The following SPMIP11 variants were observed in gnomAD, a reference collection of about 807,000 sequenced individuals.
SPMIP11 encodes long intergenic non-protein coding RNA 935.
the SPMIP11 span, chr12:48,759,106 A>G: frequency 1.5e-6 from 1 of 648,888 alleles, no homozygotes; most frequent in Non-Finnish European, 2.8e-6. Context: ...GTGAGTGGCT[A>G]GGAGAGATCC....
the SPMIP11 span, among the ~76,000 whole-genome samples, chr12:48,760,883 A>G: frequency 6.6e-6 from 1 of 152,186 alleles, no homozygotes; most frequent in African/African-American, 2.4e-5. Flanking sequence ...CTATTGTTTT[A>G]CTAATCTTTC....
chr12:48,762,499 C>G, the SPMIP11 span, among the ~76,000 whole-genome samples: 1 of 149,884 alleles, frequency 6.7e-6, no homozygotes, highest in African/African-American at 2.5e-5. Context: ...TCCTAAGTAG[C>G]TGGGATTACA....
At chr12:48,733,362 A>T in the SPMIP11 span, among the ~76,000 whole-genome samples, 1 of 152,102 alleles carries the variant, frequency 6.6e-6, no homozygotes, top group African/African-American at 2.4e-5. Context: ...GGTGTGAGCC[A>T]CCAAGCCCAG....
chr12:48,728,038 G>A, the SPMIP11 span, among the ~76,000 whole-genome samples: 223 of 113,982 alleles, frequency 2.0e-3, 2 homozygotes, highest in African/African-American at 6.7e-3. Flanking sequence ...GCGACAGAGC[G>A]AAACCATCTC....
chr12:48,765,560 C>G, the SPMIP11 span: 1 of 702,658 alleles, frequency 1.4e-6, no homozygotes. Flanking sequence ...ATCTCCTGCT[C>G]TCCAGCCTGG....
the SPMIP11 span, among the ~76,000 whole-genome samples, chr12:48,752,066 CA>C: frequency 7.6e-4 from 77 of 101,732 alleles, no homozygotes; most frequent in East Asian, 1.6e-3. Context: ...GACTCTGCCT[CA>C]AAAAAAAAAA....
chr12:48,743,856 C>G, the SPMIP11 span, among the ~76,000 whole-genome samples: 1 of 134,360 alleles, frequency 7.4e-6, no homozygotes, highest in African/African-American at 2.9e-5. Flanking sequence ...CACTTGAACC[C>G]GGGAGGTAGA....
At chr12:48,762,010 CT>C in the SPMIP11 span, among the ~76,000 whole-genome samples, 1 of 137,946 alleles carries the variant, frequency 7.2e-6, no homozygotes, top group African/African-American at 2.7e-5. Flanking sequence ...TTATAATACT[CT>C]TATATGACAT....
the SPMIP11 span, among the ~76,000 whole-genome samples, chr12:48,769,214 C>T: frequency 2.6e-5 from 4 of 151,958 alleles, no homozygotes; most frequent in African/African-American, 4.8e-5. Context: ...TCAAGACGAG[C>T]CTGGCCAACA....
the SPMIP11 span, among the ~76,000 whole-genome samples, chr12:48,765,344 G>A: frequency 1.3e-5 from 2 of 152,140 alleles, no homozygotes; most frequent in Middle Eastern, 3.2e-3. Flanking sequence ...CAATTCTCCT[G>A]CATTAGCTCC....
the SPMIP11 span, among the ~76,000 whole-genome samples, chr12:48,742,304 C>T: frequency 1.1e-3 from 115 of 107,656 alleles, no homozygotes; most frequent in African/African-American, 4.0e-3. Flanking sequence ...TTTTTTGAGA[C>T]GGAGTCTCAC....
the SPMIP11 span, chr12:48,769,170 G>T: frequency 7.1e-5 from 86 of 1,207,838 alleles, no homozygotes; most frequent in African/African-American, 9.9e-4. Flanking sequence ...AATGGAAAAA[G>T]GACAAGTCTC....
At chr12:48,755,079 G>A in the SPMIP11 span, among the ~76,000 whole-genome samples, 14 of 152,312 alleles carry the variant, frequency 9.2e-5, no homozygotes, top group Middle Eastern at 3.4e-3. Flanking sequence ...GAGGCAATGG[G>A]CAAAGTAGTG....
chr12:48,770,794 G>C, the SPMIP11 span: 1 of 1,614,170 alleles, frequency 6.2e-7, no homozygotes, highest in Non-Finnish European at 8.5e-7. Context: ...TGTTGAAGGA[G>C]TGCTCATTGA....
At chr12:48,733,744 TGTA>T in the SPMIP11 span, among the ~76,000 whole-genome samples, 1 of 151,024 alleles carries the variant, frequency 6.6e-6, no homozygotes, top group Non-Finnish European at 1.5e-5. Context: ...AGGGGACTAC[TGTA>T]TGTGTAAATG....
At chr12:48,744,817 GAAGAAGAAGA>G in the SPMIP11 span, among the ~76,000 whole-genome samples, 1 of 103,072 alleles carries the variant, frequency 9.7e-6, no homozygotes, top group Non-Finnish European at 2.6e-5. Context: ...GAAAAAGGAA[GAAGAAGAAGA>G]AAGAAGAAGA....
At chr12:48,746,749 T>C in the SPMIP11 span, among the ~76,000 whole-genome samples, 2 of 151,774 alleles carry the variant, frequency 1.3e-5, no homozygotes, top group African/African-American at 4.8e-5. Context: ...GGCGAAACCC[T>C]GTCTCTACTG....
At chr12:48,744,493 G>A in the SPMIP11 span, among the ~76,000 whole-genome samples, 8 of 152,270 alleles carry the variant, frequency 5.3e-5, no homozygotes, top group Admixed American at 2.0e-4. Context: ...TGGCACTTTG[G>A]GAGGCTGAGG....
the SPMIP11 span, among the ~76,000 whole-genome samples, chr12:48,746,611 T>C: frequency 5.9e-5 from 9 of 151,448 alleles, no homozygotes; most frequent in East Asian, 4.0e-4. Flanking sequence ...GTGATCCACC[T>C]GCCTTGGCCT....
Sources: allele counts gnomAD v4.1 joint callset (sites outside exome capture counted in the v4.1 genomes callset), GRCh38; gene constraint gnomAD v4.1.1; transcripts MANE v1.5; gene names NCBI Gene and HGNC (gene_info 2026-07-23, HGNC 2026-07-21).